The following DPP10 variants were observed in gnomAD, a reference collection of about 807,000 sequenced individuals.
The protein encoded by DPP10 is inactive dipeptidyl peptidase 10.
A neutral mutation model predicts 120.9 loss-of-function variants in DPP10; 33 were observed. The observed-to-expected ratio is 0.27, with a 90% CI of 0.21 to 0.37. DPP10 has a LOEUF of 0.37. Ranked by LOEUF, DPP10 falls within the 10% of genes least tolerant of loss-of-function variation. The pLI, the probability that DPP10 is intolerant of heterozygous loss-of-function variation, is 1.00. For synonymous variants in DPP10, 337 were observed against 326.1 expected, an observed-to-expected ratio of 1.03 and a Z score of -0.36; for missense variants, 816 against 942.8, an observed-to-expected ratio of 0.87 and a Z score of 1.76.
At position 114,442,724 on chromosome 2, in the gene DPP10, T is replaced by A. The variant is rs1677725267; in HGVS notation, c.-55T>A. 1 of 1,606,828 alleles carries A rather than the reference T, an allele frequency of 6.2e-7. No homozygotes were observed. Among genetic ancestry groups the A allele is most frequent in the Non-Finnish European group, 8.5e-7 (1 of 1,175,096 alleles). The stretch of plus-strand genomic sequence containing the variant: ...GAAGTCCAATAGAGGAGACTTGATC[T>A]CTAGTTCATTCTGGAACTCCGCCTG... On this transcript the variant is annotated 5_prime_UTR_variant, in exon 1 of 26. Transcript: ENST00000410059.
chr2:115,436,122 CA>C, intron 3 of DPP10, among the ~76,000 whole-genome samples: 1 of 151,862 alleles, frequency 6.6e-6, no homozygotes, highest in African/African-American at 2.4e-5. Flanking sequence ...AAATGTTTTT[CA>C]GAGATATCAA....
chr2:115,595,246 C>A (rs1393858743), intron 5 of DPP10, among the ~76,000 whole-genome samples: 1 of 152,010 alleles, frequency 6.6e-6, no homozygotes, highest in African/African-American at 2.4e-5. Context: ...TCTTTCTCTT[C>A]CCTTTTTTTG....
chr2:114,833,655 C>T (rs1386800172), intron 1 of DPP10: 1 of 152,128 alleles, frequency 6.6e-6, no homozygotes, highest in Non-Finnish European at 1.5e-5. Flanking sequence ...TTAATACTGC[C>T]AGCTGATGCC....
At chr2:115,286,526 A>ATATATATATATAATATATATATAT (rs10675008) in intron 1 of DPP10, among the ~76,000 whole-genome samples, 1 of 60,954 alleles carries the variant, frequency 1.6e-5, no homozygotes, top group South Asian at 5.2e-4. Context: ...ATATATATAT[A>ATATATATATATAATATATATATAT]ATATATATAT....
intron 1 of DPP10, among the ~76,000 whole-genome samples, chr2:114,506,087 A>C (rs1158819630): frequency 2.6e-5 from 4 of 152,188 alleles, no homozygotes; most frequent in African/African-American, 4.8e-5. Flanking sequence ...CCCCAACCTC[A>C]AGCCTGAAAC....
intron 8 of DPP10, among the ~76,000 whole-genome samples, chr2:115,732,064 G>A (rs926503054): frequency 1.3e-5 from 2 of 151,986 alleles, no homozygotes; most frequent in Non-Finnish European, 2.9e-5. Context: ...GGGAATGCAT[G>A]TAATTTCAAC....
intron 4 of DPP10, among the ~76,000 whole-genome samples, chr2:115,511,888 A>C (rs2077251100): frequency 6.6e-6 from 1 of 150,744 alleles, no homozygotes; most frequent in Non-Finnish European, 1.5e-5. Flanking sequence ...CACCATTCCC[A>C]GCTAATTTTT....
At chr2:115,595,917 A>G (rs539542380) in intron 5 of DPP10, among the ~76,000 whole-genome samples, 1 of 152,172 alleles carries the variant, frequency 6.6e-6, no homozygotes, top group African/African-American at 2.4e-5. Context: ...TTTCTTTTAT[A>G]TCTAGTAGTT....
At chr2:115,561,231 C>T (rs2080643789) in intron 5 of DPP10, among the ~76,000 whole-genome samples, 1 of 151,662 alleles carries the variant, frequency 6.6e-6, no homozygotes, top group Non-Finnish European at 1.5e-5. Flanking sequence ...TGGTGGCACG[C>T]ACCTGTAATC....
intron 1 of DPP10, among the ~76,000 whole-genome samples, chr2:114,670,849 A>G (rs1222597062): frequency 1.3e-5 from 2 of 152,142 alleles, no homozygotes; most frequent in African/African-American, 4.8e-5. Context: ...TTAGAAGTAA[A>G]TAATTGTTGT....
At chr2:115,785,936 A>G (rs1683294591) in intron 17 of DPP10, among the ~76,000 whole-genome samples, 5 of 151,916 alleles carry the variant, frequency 3.3e-5, no homozygotes, top group Admixed American at 3.3e-4. Flanking sequence ...AGCATTTAAA[A>G]TTAAATGCTT....
rs1677053166 is a variant in DPP10, at chr2:115,739,966, G to C, written c.852+73G>C. On this transcript the variant is annotated intron_variant, in intron 9 of 25. Coordinates refer to ENST00000410059, the MANE Select transcript of DPP10 (RefSeq NM_020868.6). ...AGTGACTTGACAGATGGTATTCTTG[G>C]TTCTTGAACAAGTTGTCTTTGGAGG... 2.0e-6 allele frequency: 3 copies of C among 1,512,008 alleles called. No individual in the cohort carries two copies. The Admixed American group carries it at 5.6e-5, about 28-fold the overall frequency. 93.7% of individuals were successfully genotyped at this position (1,512,008 alleles called of 1,614,324 possible).
chr2:115,427,593 A>G (rs1396713946), intron 3 of DPP10, among the ~76,000 whole-genome samples: 1 of 152,162 alleles, frequency 6.6e-6, no homozygotes, highest in African/African-American at 2.4e-5. Context: ...AACACTGGGC[A>G]GTAGCACTCT....
intron 1 of DPP10, among the ~76,000 whole-genome samples, chr2:114,996,388 G>A (rs542427567): frequency 6.6e-6 from 1 of 152,234 alleles, no homozygotes; most frequent in Non-Finnish European, 1.5e-5. Context: ...CTATTTAAAA[G>A]ATGATTGAAA....
At chr2:115,817,561 T>G (rs529215254) in intron 21 of DPP10, among the ~76,000 whole-genome samples, 1 of 152,228 alleles carries the variant, frequency 6.6e-6, no homozygotes, top group Non-Finnish European at 1.5e-5. Context: ...CATTCTACAC[T>G]TGTTGTCAGC....
At chr2:115,303,655 C>G (rs1042640215) in intron 1 of DPP10, among the ~76,000 whole-genome samples, 1 of 151,432 alleles carries the variant, frequency 6.6e-6, no homozygotes, top group Non-Finnish European at 1.5e-5. Flanking sequence ...TATTCTTTTA[C>G]CTTTATTTTT....
intron 1 of DPP10, among the ~76,000 whole-genome samples, chr2:114,561,775 A>G (rs1250239279): frequency 6.6e-6 from 1 of 152,196 alleles, no homozygotes; most frequent in Non-Finnish European, 1.5e-5. Context: ...TAGAAATTTC[A>G]GTCAGTTTAT....
intron 1 of DPP10, among the ~76,000 whole-genome samples, chr2:114,704,117 C>T (rs1340910014): frequency 6.6e-6 from 1 of 152,058 alleles, no homozygotes; most frequent in South Asian, 2.1e-4. Context: ...AGGAATAAGG[C>T]AATGCTCAGA....
At chr2:115,206,804 A>G (rs2056164696) in intron 1 of DPP10, among the ~76,000 whole-genome samples, 1 of 152,224 alleles carries the variant, frequency 6.6e-6, no homozygotes, top group Non-Finnish European at 1.5e-5. Context: ...TTAAATGGTA[A>G]TGGTAAGATT....
Sources: allele counts gnomAD v4.1 joint callset (sites outside exome capture counted in the v4.1 genomes callset), GRCh38; gene constraint gnomAD v4.1.1; transcripts MANE v1.5; gene names NCBI Gene and HGNC (gene_info 2026-07-23, HGNC 2026-07-21).